The following MRTFB variants were observed in gnomAD, a reference collection of about 807,000 sequenced individuals.
The protein encoded by MRTFB is myocardin related transcription factor B.
Under a neutral mutation model 104.2 loss-of-function variants are expected in MRTFB, and 29 were observed. The ratio of observed to expected loss-of-function variants is 0.28; its 90% CI spans 0.21 to 0.38. The LOEUF (loss-of-function observed/expected upper bound fraction) is 0.38. Ranked by LOEUF, MRTFB falls within the 10% of genes least tolerant of loss-of-function variation. The pLI is 1.00. For synonymous variants in MRTFB, 535 were observed against 519.5 expected (o/e 1.03, Z -0.41); for missense variants, 1,270 against 1,341.6 (o/e 0.95, Z 0.83).
the MRTFB span, among the ~76,000 whole-genome samples, chr16:14,022,482 C>G: frequency 6.6e-6 from 1 of 152,144 alleles, no homozygotes; most frequent in Non-Finnish European, 1.5e-5. Context: ...CTGCAACTTC[C>G]GCCTCCTGGG....
At chr16:14,043,154 G>A in the MRTFB span, among the ~76,000 whole-genome samples, 1 of 152,290 alleles carries the variant, frequency 6.6e-6, no homozygotes, top group South Asian at 2.1e-4. Context: ...GTGTTGCACT[G>A]TTCTTCCTTC....
At chr16:14,059,238 T>C in the MRTFB span, among the ~76,000 whole-genome samples, 1 of 152,080 alleles carries the variant, frequency 6.6e-6, no homozygotes, top group East Asian at 1.9e-4. Flanking sequence ...ATATTCAAAA[T>C]CCTCTCTTCT....
the MRTFB span, among the ~76,000 whole-genome samples, chr16:13,998,423 A>G: frequency 2.6e-5 from 4 of 152,246 alleles, no homozygotes; most frequent in African/African-American, 9.6e-5. Context: ...GGGAGGCAGG[A>G]GAATCTCTTG....
chr16:14,172,971 A>C (rs2039470974), intron 3 of MRTFB, among the ~76,000 whole-genome samples: 2 of 151,942 alleles, frequency 1.3e-5, no homozygotes, highest in South Asian at 2.1e-4. Flanking sequence ...TTTTTATTGC[A>C]TCTAGATTTT....
chr16:14,023,480 T>C, the MRTFB span, among the ~76,000 whole-genome samples: 1 of 151,772 alleles, frequency 6.6e-6, no homozygotes, highest in African/African-American at 2.4e-5. Flanking sequence ...TCCTAGTTTC[T>C]CTATTTATTA....
At chr16:14,001,799 T>G in the MRTFB span, among the ~76,000 whole-genome samples, 1 of 152,184 alleles carries the variant, frequency 6.6e-6, no homozygotes, top group Admixed American at 6.6e-5. Flanking sequence ...ACCAGAACCT[T>G]CCCCAAGCTT....
chr16:14,249,075 C>A lies in MRTFB; in HGVS notation c.2397C>A (p.Val799=). The A allele has an allele frequency of 6.2e-7, 1 of 1,613,448 alleles. No homozygotes were observed. Among genetic ancestry groups the A allele is most frequent in the Middle Eastern group, 1.7e-4 (1 of 6,056 alleles). The change falls in exon 13 of 17, where the codon GTC becomes GTA. Residue 799 remains valine, a synonymous_variant. Transcript: ENST00000571589. The stretch of plus-strand genomic sequence containing the variant: ...ATGTGCTCAGTCAGCCTCAACAAGT[C>A]AGAAAGGTTTGTAAATGCCAAGGAG... The part of the protein sequence containing the change: ...PQHVLSQPQQ[V]RKVFTNSASS...
At chr16:14,231,550 C>A (rs929240542) in intron 8 of MRTFB, among the ~76,000 whole-genome samples, 5 of 152,182 alleles carry the variant, frequency 3.3e-5, no homozygotes, top group African/African-American at 1.2e-4. Context: ...CCTCTACCCT[C>A]AAGTAGGCCC....
chr16:14,017,711 A>ATATATATATATATATATATT, the MRTFB span, among the ~76,000 whole-genome samples: 7 of 33,612 alleles, frequency 2.1e-4, 1 homozygote, highest in Non-Finnish European at 2.5e-4. Context: ...ATATATATAT[A>ATATATATATATATATATATT]TTTTTTTTTT....
intron 1 of MRTFB, among the ~76,000 whole-genome samples, chr16:14,077,498 C>T (rs554000355): frequency 1.4e-5 from 2 of 139,716 alleles, no homozygotes; most frequent in East Asian, 4.3e-4. Context: ...TCTTTTAAAA[C>T]TAGTTTCCCC....
intron 3 of MRTFB, among the ~76,000 whole-genome samples, chr16:14,164,176 C>T (rs1360523358): frequency 6.6e-6 from 1 of 152,132 alleles, no homozygotes; most frequent in Non-Finnish European, 1.5e-5. Context: ...TATGTTTACA[C>T]CATTAACCAA....
chr16:14,103,939 C>T (rs866150849), intron 2 of MRTFB, among the ~76,000 whole-genome samples: 1 of 152,192 alleles, frequency 6.6e-6, no homozygotes, highest in African/African-American at 2.4e-5. Context: ...GGGAGAAACT[C>T]TGCCTGGTTT....
At chr16:14,014,654 G>A in the MRTFB span, among the ~76,000 whole-genome samples, 2 of 151,984 alleles carry the variant, frequency 1.3e-5, no homozygotes, top group African/African-American at 4.8e-5. Flanking sequence ...AGGAGTTCGA[G>A]ACCAGCCTGG....
chr16:14,213,026 G>T (rs1220434831), intron 5 of MRTFB, among the ~76,000 whole-genome samples: 1 of 152,124 alleles, frequency 6.6e-6, no homozygotes, highest in Non-Finnish European at 1.5e-5. Flanking sequence ...ATTTTCTTAA[G>T]AATTTTTCTA....
At chr16:14,225,910 C>A (rs945906658) in intron 8 of MRTFB, among the ~76,000 whole-genome samples, 1 of 152,186 alleles carries the variant, frequency 6.6e-6, no homozygotes, top group Admixed American at 6.5e-5. Context: ...GAGGGGTTAT[C>A]TATGCCATAG....
At chr16:14,178,459 TC>T (rs2039658406) in intron 3 of MRTFB, among the ~76,000 whole-genome samples, 1 of 152,224 alleles carries the variant, frequency 6.6e-6, no homozygotes. Flanking sequence ...TTGGTAGTCA[TC>T]TTGGCTCCTT....
intron 2 of MRTFB, among the ~76,000 whole-genome samples, chr16:14,123,742 G>C (rs2036967600): frequency 6.6e-6 from 1 of 152,140 alleles, no homozygotes; most frequent in Non-Finnish European, 1.5e-5. Flanking sequence ...GATTGTCTTG[G>C]CTATGAGGGC....
intron 3 of MRTFB, among the ~76,000 whole-genome samples, chr16:14,145,091 T>TA (rs2038241730): frequency 6.6e-6 from 1 of 150,904 alleles, no homozygotes; most frequent in East Asian, 1.9e-4. Context: ...GTGAGCAGAG[T>TA]ATGTTCACAT....
chr16:14,197,561 G>A (rs2040495352), intron 3 of MRTFB, among the ~76,000 whole-genome samples: 1 of 152,168 alleles, frequency 6.6e-6, no homozygotes, highest in Non-Finnish European at 1.5e-5. Flanking sequence ...TCTTAAATGT[G>A]ACATTGTATT....
Sources: gnomAD v4.1 joint callset for allele counts (sites outside exome capture counted in the v4.1 genomes callset) on GRCh38, gnomAD v4.1.1 for gene constraint, MANE v1.5 for transcripts, NCBI Gene and HGNC (gene_info 2026-07-23, HGNC 2026-07-21) for gene names.